The following ADAMTS3 variants were observed in gnomAD, a reference collection of about 807,000 sequenced individuals.
ADAMTS3 encodes the protein A disintegrin and metalloproteinase with thrombospondin motifs 3.
Under a neutral mutation model 129.0 loss-of-function variants are expected in ADAMTS3, and 73 were observed. The ratio of observed to expected loss-of-function variants is 0.57; its 90% CI spans 0.47 to 0.69. The LOEUF (loss-of-function observed/expected upper bound fraction) is 0.69. Ranked by LOEUF, ADAMTS3 falls within the 30% of genes least tolerant of loss-of-function variation. ADAMTS3 has a pLI of 0.00. For synonymous variants in ADAMTS3, 477 were observed against 510.8 expected (o/e 0.93, Z 0.89); for missense variants, 1,457 against 1,514.5 (o/e 0.96, Z 0.63).
chr4:72,363,569 G>A (rs1309046016), intron 4 of ADAMTS3, among the ~76,000 whole-genome samples: 4 of 152,034 alleles, frequency 2.6e-5, no homozygotes, highest in Admixed American at 6.6e-5. Context: ...ATCTATAAGC[G>A]CAATTATTTA....
chr4:72,330,143 C>T (rs1200696040), intron 5 of ADAMTS3, among the ~76,000 whole-genome samples: 4 of 152,010 alleles, frequency 2.6e-5, no homozygotes, highest in East Asian at 3.9e-4. Flanking sequence ...CTCAGCCTCC[C>T]GAGAAGCTGG....
chr4:72,366,257 T>C (rs1199518847), intron 4 of ADAMTS3, among the ~76,000 whole-genome samples: 4 of 152,202 alleles, frequency 2.6e-5, no homozygotes, highest in South Asian at 4.1e-4. Context: ...TAAAATAATA[T>C]GTTGAGTACT....
intron 3 of ADAMTS3, among the ~76,000 whole-genome samples, chr4:72,544,896 C>A (rs1397883227): frequency 6.6e-6 from 1 of 152,018 alleles, no homozygotes; most frequent in Non-Finnish European, 1.5e-5. Context: ...TTTTAACCAT[C>A]TTTAAATTTA....
Position 72,312,353 on chromosome 4 carries a change from C to A in ADAMTS3, c.1859G>T (p.Arg620Leu), listed in dbSNP as rs370245290. 1 of 1,613,682 alleles carries A rather than the reference C, an allele frequency of 6.2e-7. No homozygotes were observed. Among genetic ancestry groups the A allele is most frequent in the Admixed American group, 1.7e-5 (1 of 59,964 alleles). ...ATTCTGGTATTCAAAGTGGGAGTTT[C>A]GCTGCTGACACTGCTGTGCTCTGAA... ...EDFRAQQCQQ[R>L]NSHFEYQNTK... Residue 620 changes from arginine to leucine, a missense_variant, in exon 13 of 22, where the codon CGA becomes CTA. Arg to Leu is a moderately radical substitution (Grantham distance 102). Transcript: ENST00000286657.
intron 4 of ADAMTS3, among the ~76,000 whole-genome samples, chr4:72,384,395 A>G (rs1721382322): frequency 6.6e-6 from 1 of 152,222 alleles, no homozygotes; most frequent in Non-Finnish European, 1.5e-5. Flanking sequence ...CACAGATAAC[A>G]GAAGATCTTG....
chr4:72,440,366 A>G (rs1196207424), intron 3 of ADAMTS3, among the ~76,000 whole-genome samples: 3 of 151,848 alleles, frequency 2.0e-5, no homozygotes, highest in Non-Finnish European at 4.4e-5. Context: ...CCCTGCCACT[A>G]GTTTCTCTAA....
intron 3 of ADAMTS3, among the ~76,000 whole-genome samples, chr4:72,421,551 G>A (rs921010630): frequency 2.6e-5 from 4 of 152,154 alleles, no homozygotes; most frequent in African/African-American, 9.7e-5. Context: ...GAGTGTCATG[G>A]GCACCTAAGT....
intron 3 of ADAMTS3, among the ~76,000 whole-genome samples, chr4:72,480,148 G>T (rs1719388971): frequency 6.6e-6 from 1 of 152,096 alleles, no homozygotes; most frequent in African/African-American, 2.4e-5. Context: ...GATTCCTCAG[G>T]GATCTAGAAC....
intron 4 of ADAMTS3, among the ~76,000 whole-genome samples, chr4:72,361,382 A>G: frequency 6.6e-6 from 1 of 152,300 alleles, no homozygotes; most frequent in South Asian, 2.1e-4. Context: ...ATGGAAGAAG[A>G]TAAGCATAAG....
chr4:72,312,227 C>T, intron 13 of ADAMTS3, 64 bp downstream of exon 13: 2 of 1,580,852 alleles, frequency 1.3e-6, no homozygotes, highest in Non-Finnish European at 1.7e-6. Flanking sequence ...GGGGTTCGTG[C>T]TGGCAAAGCT....
chr4:72,298,973 A>G (rs1256039195), intron 17 of ADAMTS3, among the ~76,000 whole-genome samples: 3 of 151,928 alleles, frequency 2.0e-5, no homozygotes, highest in Non-Finnish European at 2.9e-5. Flanking sequence ...ATAGAAAGAA[A>G]ACGAAAAATC....
intron 3 of ADAMTS3, among the ~76,000 whole-genome samples, chr4:72,520,327 A>C (rs572973749): frequency 6.6e-6 from 1 of 152,332 alleles, no homozygotes. Flanking sequence ...GCTTGTTCTC[A>C]GATCTCCAGC....
Position 72,314,420 on chromosome 4 carries a change from C to CA in ADAMTS3, c.1600-599dup, listed in dbSNP as rs565143558. ...CATAAGTAGTTGAAGGCCATCTGAC[C>CA]AAGAAGTAATTAAGTGGGGCTACCA... On this transcript the variant is annotated intron_variant, in intron 11 of 21. Coordinates refer to ENST00000286657, the MANE Select transcript of ADAMTS3 (RefSeq NM_014243.3). 1.6e-3 allele frequency among the ~76,000 whole-genome samples: 237 copies of CA among 152,056 alleles called. 2 individuals are homozygous for CA. Among genetic ancestry groups the CA allele is most frequent in the African/African-American group, 5.5e-3 (229 of 41,468 alleles).
intron 3 of ADAMTS3, among the ~76,000 whole-genome samples, chr4:72,536,139 A>ATCG (rs1721179791): frequency 6.6e-6 from 1 of 152,158 alleles, no homozygotes; most frequent in African/African-American, 2.4e-5. Context: ...GAAGTCTATC[A>ATCG]TGGTTATTAT....
chr4:72,374,612 T>G (rs1721092855), intron 4 of ADAMTS3, among the ~76,000 whole-genome samples: 1 of 152,222 alleles, frequency 6.6e-6, no homozygotes, highest in Non-Finnish European at 1.5e-5. Context: ...ACACTAAATT[T>G]TCTTCCACTT....
At chr4:72,358,306 A>G (rs1187446236) in intron 4 of ADAMTS3, among the ~76,000 whole-genome samples, 1 of 151,996 alleles carries the variant, frequency 6.6e-6, no homozygotes, top group East Asian at 1.9e-4. Context: ...TTAAGAGAAA[A>G]AAAACAAAAA....
intron 5 of ADAMTS3, among the ~76,000 whole-genome samples, chr4:72,327,638 T>C (rs1719731341): frequency 6.6e-6 from 1 of 152,124 alleles, no homozygotes; most frequent in Non-Finnish European, 1.5e-5. Context: ...GGATGAAAAT[T>C]AGCAGTCTGA....
chr4:72,477,202 T>C (rs1189913571), intron 3 of ADAMTS3, among the ~76,000 whole-genome samples: 4 of 151,874 alleles, frequency 2.6e-5, no homozygotes, highest in African/African-American at 9.7e-5. Flanking sequence ...TAATAGACAT[T>C]TACAGAACAC....
chr4:72,398,878 C>T (rs781472904), intron 4 of ADAMTS3, among the ~76,000 whole-genome samples: 1 of 152,128 alleles, frequency 6.6e-6, no homozygotes, highest in African/African-American at 2.4e-5. Flanking sequence ...GAATACAGCC[C>T]GGAGACTTCA....
Sources: gnomAD v4.1 joint callset for allele counts (sites outside exome capture counted in the v4.1 genomes callset) on GRCh38, gnomAD v4.1.1 for gene constraint, MANE v1.5 for transcripts, NCBI Gene and HGNC (gene_info 2026-07-23, HGNC 2026-07-21) for gene names.